The following ZNF710 variants were observed in gnomAD, a reference collection of about 807,000 sequenced individuals.
ZNF710 encodes the protein zinc finger protein 710.
In ZNF710, 13 loss-of-function variants were observed where a neutral mutation model predicts 50.6. The ratio of observed to expected loss-of-function variants is 0.26; its 90% CI spans 0.17 to 0.41. ZNF710 has a LOEUF of 0.41. Ranked by LOEUF, ZNF710 falls within the 10% of genes least tolerant of loss-of-function variation. The pLI, the probability that ZNF710 is intolerant of heterozygous loss-of-function variation, is 1.00. For synonymous variants in ZNF710, 383 were observed against 397.0 expected (o/e 0.96, Z 0.42); for missense variants, 721 against 936.6 (o/e 0.77, Z 3.01).
intron 1 of ZNF710, among the ~76,000 whole-genome samples, chr15:90,023,613 G>A (rs1173882730): frequency 6.6e-6 from 1 of 152,164 alleles, no homozygotes; most frequent in Admixed American, 6.5e-5. Flanking sequence ...GAGCCCAAGA[G>A]TTCACGGCTG....
rs893232488 is a variant in ZNF710 at position 90,001,421 on chromosome 15, A to C, written c.-222A>C. 1 of 151,900 alleles carries C rather than the reference A, an allele frequency of 6.6e-6. No homozygotes were observed. The highest frequency in any genetic ancestry group is 1.5e-5 in the Non-Finnish European group (1 of 68,004). 9.4% of individuals were successfully genotyped at this position (151,900 alleles called of 1,614,324 possible). ...GGGAGGGAGAGAGCGCGAGCGAGAG[A>C]GCGAGCGAGAGGAGGGGGGAGAGAG... On this transcript the variant is annotated 5_prime_UTR_variant, in exon 1 of 5. Transcript: ENST00000268154.
upstream of ZNF710, among the ~76,000 whole-genome samples, chr15:90,000,254 A>G (rs1596256838): frequency 6.6e-6 from 1 of 152,172 alleles, no homozygotes; most frequent in Non-Finnish European, 1.5e-5. Flanking sequence ...TCCTGGCGGC[A>G]CTGCCCGGCT....
At chr15:90,001,987 G>A (rs989393473) in intron 1 of ZNF710, among the ~76,000 whole-genome samples, 1 of 149,122 alleles carries the variant, frequency 6.7e-6, no homozygotes, top group Non-Finnish European at 1.5e-5. Context: ...GAGAGAGAGA[G>A]AGAGAGAGAG....
chr15:90,006,356 C>G (rs1164378381), intron 1 of ZNF710, among the ~76,000 whole-genome samples: 1 of 152,172 alleles, frequency 6.6e-6, no homozygotes, highest in Non-Finnish European at 1.5e-5. Flanking sequence ...CCACCAGAGG[C>G]TGTTTGCCAC....
intron 1 of ZNF710, among the ~76,000 whole-genome samples, chr15:90,024,594 A>G (rs1343754149): frequency 6.6e-6 from 1 of 152,254 alleles, no homozygotes; most frequent in Non-Finnish European, 1.5e-5. Context: ...TGGGCAGTGC[A>G]TTCACCTGCT....
At chr15:90,048,276 T>C (rs1403503243) in intron 1 of ZNF710, among the ~76,000 whole-genome samples, 2 of 152,250 alleles carry the variant, frequency 1.3e-5, no homozygotes, top group East Asian at 3.8e-4. Flanking sequence ...CTGCTCATTC[T>C]CTTGCCCAGC....
intron 1 of ZNF710, among the ~76,000 whole-genome samples, chr15:90,044,265 C>T (rs1228992315): frequency 2.0e-5 from 3 of 152,216 alleles, no homozygotes; most frequent in Non-Finnish European, 4.4e-5. Flanking sequence ...ATGGCCTTGG[C>T]ATCCTTCCCT....
At chr15:90,013,485 C>G (rs1054712868) in intron 1 of ZNF710, among the ~76,000 whole-genome samples, 12 of 152,088 alleles carry the variant, frequency 7.9e-5, no homozygotes, top group African/African-American at 2.9e-4. Flanking sequence ...GATGAGAGTC[C>G]CTTCTCAGGG....
chr15:90,000,361 C>A (rs544545656), upstream of ZNF710, among the ~76,000 whole-genome samples: 6 of 152,150 alleles, frequency 3.9e-5, no homozygotes, highest in Non-Finnish European at 8.8e-5. Context: ...CCGGCCTGCG[C>A]CGGAGCTGGA....
At chr15:90,046,011 C>T (rs902339302) in intron 1 of ZNF710, among the ~76,000 whole-genome samples, 6 of 152,248 alleles carry the variant, frequency 3.9e-5, no homozygotes, top group Admixed American at 3.9e-4. Flanking sequence ...CCCCCAGGGC[C>T]ACAGAGAAAG....
rs559176665 is a variant in ZNF710 at position 90,067,931 on chromosome 15, G to T, written c.794G>T (p.Arg265Leu). Residue 265 changes from arginine to leucine, a missense_variant, in exon 2 of 5, where the codon CGC becomes CTC. Arg to Leu is a moderately radical substitution (Grantham distance 102, BLOSUM62 -2). Around this residue, in one of 3 missense-constraint regions of ZNF710, gnomAD observed 326 missense variants for 522.0 expected, o/e 0.62. Coordinates refer to ENST00000268154, the MANE Select transcript of ZNF710 (RefSeq NM_198526.4). This position sits in a 1 kb window ranked among gnomAD's most constrained non-coding sequence, Gnocchi z 8.1. ...GACACGGCGGGTTCGACCGTGGAAC[G>T]CCACAAGAAGGCCCAGCTGGATCGG... ...EADTAGSTVE[R>L]HKKAQLDRLD... 2 of 1,613,544 alleles carry T rather than the reference G, an allele frequency of 1.2e-6. No homozygotes were observed. The highest frequency in any genetic ancestry group is 3.3e-5 in the Admixed American group (2 of 60,008).
chr15:90,046,328 T>C (rs768389227), intron 1 of ZNF710, among the ~76,000 whole-genome samples: 5 of 152,172 alleles, frequency 3.3e-5, no homozygotes, highest in Non-Finnish European at 5.9e-5. Context: ...GTGAATTGCA[T>C]GTTGTTAGCA....
chr15:90,031,042 T>C (rs67125153), intron 1 of ZNF710, among the ~76,000 whole-genome samples: 71,647 of 119,442 alleles, frequency 0.6, 24,263 homozygotes, highest in African/African-American at 0.78. Context: ...AAAAAAAAAA[T>C]GCTTAATGGA....
At chr15:90,026,263 CAACAACAA>C (rs1176154495) in intron 1 of ZNF710, among the ~76,000 whole-genome samples, 1 of 100,560 alleles carries the variant, frequency 9.9e-6, no homozygotes, top group Non-Finnish European at 2.0e-5. Context: ...ACAACAACAA[CAACAACAA>C]AAAAAAAAAA....
At chr15:90,007,811 A>AC (rs1297321308) in intron 1 of ZNF710, among the ~76,000 whole-genome samples, 3 of 151,138 alleles carry the variant, frequency 2.0e-5, no homozygotes, top group Non-Finnish European at 4.4e-5. Flanking sequence ...GCTCACCCCC[A>AC]CCCCCACTTT....
intron 1 of ZNF710, among the ~76,000 whole-genome samples, chr15:90,056,928 T>C (rs1484405416): frequency 6.6e-6 from 1 of 151,932 alleles, no homozygotes; most frequent in Non-Finnish European, 1.5e-5. Flanking sequence ...CCAGCGAGGG[T>C]TCCCCAGGCT....
chr15:90,010,414 A>G (rs1023253200), intron 1 of ZNF710, among the ~76,000 whole-genome samples: 1 of 151,982 alleles, frequency 6.6e-6, no homozygotes, highest in African/African-American at 2.4e-5. Context: ...TCCGCCTCCC[A>G]AGTAGCTGGG....
At chr15:90,005,165 G>A (rs1288406080) in intron 1 of ZNF710, among the ~76,000 whole-genome samples, 1 of 152,124 alleles carries the variant, frequency 6.6e-6, no homozygotes, top group African/African-American at 2.4e-5. Flanking sequence ...TGTTCATTGC[G>A]GAGCCCCTGT....
intron 4 of ZNF710, among the ~76,000 whole-genome samples, 153 bp from the exon 5 acceptor site, chr15:90,079,507 G>A (rs778711794): frequency 1.3e-5 from 2 of 152,194 alleles, no homozygotes; most frequent in Non-Finnish European, 2.9e-5. Flanking sequence ...ACCCTGAGGC[G>A]TCCGAGGGTG....
Sources: gnomAD v4.1 joint callset for allele counts (sites outside exome capture counted in the v4.1 genomes callset) on GRCh38, gnomAD v4.1.1 for gene constraint, gnomAD v4.1.1 regional missense constraint, Gnocchi (gnomAD v3.1) non-coding constraint, MANE v1.5 for transcripts, NCBI Gene and HGNC (gene_info 2026-07-23, HGNC 2026-07-21) for gene names.